COX10: variants seen among roughly 807,000 people sequenced by gnomAD.
The protein encoded by COX10 is cytochrome c oxidase assembly factor heme A:farnesyltransferase COX10, also known as protoheme IX farnesyltransferase, mitochondrial.
In COX10, 27 loss-of-function variants were observed where a neutral mutation model predicts 37.3. The ratio of observed to expected loss-of-function variants is 0.72; its 90% CI spans 0.53 to 1.00. The LOEUF (loss-of-function observed/expected upper bound fraction) is 1.00. Among genes scored for constraint, COX10 ranks in the 50% least tolerant of loss-of-function variants. COX10 has a pLI of 0.00. For synonymous variants in COX10, 222 were observed against 229.1 expected, an observed-to-expected ratio of 0.97 and a Z score of 0.28; for missense variants, 475 against 563.2, an observed-to-expected ratio of 0.84 and a Z score of 1.59.
At chr17:14,105,842 T>C (rs1915879863) in intron 4 of COX10, among the ~76,000 whole-genome samples, 1 of 152,136 alleles carries the variant, frequency 6.6e-6, no homozygotes, top group African/African-American at 2.4e-5. Context: ...TATATTATTA[T>C]AGACTTCTTC....
chr17:14,180,163 C>T (rs1363792484), intron 5 of COX10, among the ~76,000 whole-genome samples: 8 of 151,242 alleles, frequency 5.3e-5, no homozygotes, highest in East Asian at 3.9e-4. Flanking sequence ...GTCTAGCAGA[C>T]GGGTACCCAG....
intron 4 of COX10, among the ~76,000 whole-genome samples, chr17:14,105,177 G>A (rs185490957): frequency 5.8e-4 from 88 of 152,170 alleles, no homozygotes; most frequent in Non-Finnish European, 8.8e-5. Flanking sequence ...TTACATATAC[G>A]TGATTTTTTA....
At chr17:14,176,673 A>G (rs1156797680) in intron 5 of COX10, among the ~76,000 whole-genome samples, 2 of 152,098 alleles carry the variant, frequency 1.3e-5, no homozygotes, top group Non-Finnish European at 2.9e-5. Context: ...GATAATTTTG[A>G]ATATAATATA....
rs78765417 is a variant in COX10 at position 14,130,711 on chromosome 17, T to C, written c.624+28469T>C. On this transcript the variant is annotated intron_variant, in intron 4 of 6. Coordinates refer to ENST00000261643, the MANE Select transcript of COX10 (RefSeq NM_001303.4). Reference sequence around the variant, plus strand: ...TGCCAGCCTGATTGTCTTCATCATATGCATTTCCATGGCCATCTTCCTCAT... The same window carrying C: ...TGCCAGCCTGATTGTCTTCATCATACGCATTTCCATGGCCATCTTCCTCAT... Among the ~76,000 whole-genome samples, 477 of 152,304 alleles carry C rather than the reference T, an allele frequency of 3.1e-3. 2 individuals carry two copies. The highest frequency in any genetic ancestry group is 0.011 in the African/African-American group (444 of 41,580).
At chr17:14,197,554 G>A (rs1014597506) in intron 6 of COX10, among the ~76,000 whole-genome samples, 7 of 152,242 alleles carry the variant, frequency 4.6e-5, no homozygotes, top group Non-Finnish European at 1.0e-4. Flanking sequence ...CCCACTTCGG[G>A]AATCCAGCAT....
chr17:14,074,242 T>C, intron 1 of COX10, 81 bp from the exon 2 acceptor site: 1 of 1,539,562 alleles, frequency 6.5e-7, no homozygotes, highest in Non-Finnish European at 9.0e-7. Flanking sequence ...GTGGCTGGCT[T>C]TGCTTCTGGG....
chr17:14,108,244 A>G (rs1457425827), intron 4 of COX10, among the ~76,000 whole-genome samples: 1 of 152,160 alleles, frequency 6.6e-6, no homozygotes, highest in Non-Finnish European at 1.5e-5. Flanking sequence ...ATTGCAGCAA[A>G]CACTTGTGCT....
In COX10 at chr17:14,169,871, C is replaced by T. The variant is rs563035656; in HGVS notation, c.695+9924C>T. ...GAGGTAGGGTCTAGTGGGAGGTGTT[C>T]GGGTTATGGGATCAGATTCTTCATG... On this transcript the variant is annotated intron_variant, in intron 5 of 6. Transcript: ENST00000261643. Among the ~76,000 whole-genome samples, 14 of 152,180 alleles carry T rather than the reference C, an allele frequency of 9.2e-5. 1 individual carries two copies. The South Asian group carries it at 1.7e-3, about 18-fold the overall frequency.
intron 4 of COX10, among the ~76,000 whole-genome samples, chr17:14,105,091 A>C (rs755376301): frequency 3.6e-4 from 55 of 152,332 alleles, no homozygotes; most frequent in Non-Finnish European, 3.8e-4. Flanking sequence ...AGAATTATCA[A>C]AAAACTATAA....
intron 4 of COX10, among the ~76,000 whole-genome samples, chr17:14,104,429 G>C (rs940198108): frequency 6.6e-6 from 1 of 152,038 alleles, no homozygotes; most frequent in Non-Finnish European, 1.5e-5. Flanking sequence ...GGGCAATAAG[G>C]GTTCAACAGA....
At chr17:14,164,870 T>G (rs1905243198) in intron 5 of COX10, among the ~76,000 whole-genome samples, 1 of 152,160 alleles carries the variant, frequency 6.6e-6, no homozygotes, top group African/African-American at 2.4e-5. Flanking sequence ...ATCAGGTGAT[T>G]AGGATGAAAG....
intron 5 of COX10, among the ~76,000 whole-genome samples, chr17:14,166,704 T>G (rs1436647602): frequency 6.8e-6 from 1 of 146,264 alleles, no homozygotes; most frequent in East Asian, 2.1e-4. Context: ...CTCTGCCTCC[T>G]GGGTTCAAGC....
chr17:14,204,115 A>C (rs1906625859), intron 6 of COX10, among the ~76,000 whole-genome samples: 1 of 152,088 alleles, frequency 6.6e-6, no homozygotes, highest in African/African-American at 2.4e-5. Context: ...ATCATTACAT[A>C]CTTTCTGTGT....
intron 4 of COX10, among the ~76,000 whole-genome samples, chr17:14,149,970 A>G (rs1567602259): frequency 6.6e-6 from 1 of 152,078 alleles, no homozygotes; most frequent in African/African-American, 2.4e-5. Context: ...GAACCTGAAG[A>G]AAAAAAGGAA....
chr17:14,099,500 C>T (rs1915728092), intron 3 of COX10, among the ~76,000 whole-genome samples: 1 of 152,032 alleles, frequency 6.6e-6, no homozygotes, highest in South Asian at 2.1e-4. Flanking sequence ...CCAGTTTCTC[C>T]AGCATGTACC....
intron 4 of COX10, among the ~76,000 whole-genome samples, chr17:14,138,093 A>G (rs1025118075): frequency 9.2e-5 from 14 of 151,996 alleles, no homozygotes; most frequent in Non-Finnish European, 1.5e-5. Flanking sequence ...CATGAATAAA[A>G]TTTCCTTACA....
intron 3 of COX10, among the ~76,000 whole-genome samples, chr17:14,094,935 A>T (rs1915611440): frequency 6.6e-6 from 1 of 152,228 alleles, no homozygotes. Context: ...GTTACTAGCG[A>T]CATTTAGCTT....
intron 3 of COX10, among the ~76,000 whole-genome samples, chr17:14,093,026 A>T (rs1438212133): frequency 2.0e-5 from 3 of 152,198 alleles, no homozygotes; most frequent in Non-Finnish European, 4.4e-5. Flanking sequence ...TCCACGTTAA[A>T]CAGCTTTAAA....
intron 5 of COX10, among the ~76,000 whole-genome samples, chr17:14,170,366 A>C (rs62055989): frequency 0.14 from 21,002 of 152,144 alleles, 2,052 homozygotes; most frequent in East Asian, 0.4. Flanking sequence ...CAATTTTACA[A>C]ATTTTTATGT....
Sources: gnomAD v4.1 joint callset for allele counts (sites outside exome capture counted in the v4.1 genomes callset) on GRCh38, gnomAD v4.1.1 for gene constraint, MANE v1.5 for transcripts, NCBI Gene and HGNC (gene_info 2026-07-23, HGNC 2026-07-21) for gene names.